NASP: variants seen among roughly 807,000 people sequenced by gnomAD.
NASP encodes the protein NASP histone chaperone.
NASP carries 24 observed loss-of-function variants against 89.5 expected under a neutral mutation model. The ratio of observed to expected loss-of-function variants is 0.27; its 90% CI spans 0.19 to 0.38. The LOEUF is 0.38. NASP is among the 10% of genes least tolerant of loss of function. The pLI is 1.00. For synonymous variants in NASP, 306 were observed against 324.7 expected (o/e 0.94, Z 0.62); for missense variants, 848 against 921.4 (o/e 0.92, Z 1.03).
chr1:45,617,407 T>C, intron 13 of NASP, 56 bp from the exon 14 acceptor site: 2 of 1,569,534 alleles, frequency 1.3e-6, no homozygotes, highest in East Asian at 2.2e-5. Flanking sequence ...TGTTTTGCAG[T>C]TGTCTTTTTA....
chr1:45,585,204 C>T (rs1036315896), intron 1 of NASP, among the ~76,000 whole-genome samples: 4 of 152,170 alleles, frequency 2.6e-5, no homozygotes, highest in Admixed American at 2.0e-4. Flanking sequence ...TGCTGTTTCC[C>T]ATACAGTAGG....
At chr1:45,605,477 T>A (rs1333221705) in intron 4 of NASP, among the ~76,000 whole-genome samples, 1 of 152,146 alleles carries the variant, frequency 6.6e-6, no homozygotes, top group African/African-American at 2.4e-5. Flanking sequence ...GGTTTTTTTT[T>A]TTTGAGATGG....
At chr1:45,614,621 C>T (rs1253146261) in intron 9 of NASP, among the ~76,000 whole-genome samples, 1 of 152,102 alleles carries the variant, frequency 6.6e-6, no homozygotes, top group Non-Finnish European at 1.5e-5. Flanking sequence ...TCACTGCAAC[C>T]TCCGCCACCC....
At position 45,601,745 on chromosome 1, in the gene NASP, A is replaced by ATTTTTTT. The variant is rs71056316; in HGVS notation, c.108-488_108-482dup. 3.7e-3 allele frequency among the ~76,000 whole-genome samples: 252 copies of ATTTTTTT among 68,938 alleles called. 61 individuals are homozygous for ATTTTTTT. Among genetic ancestry groups the ATTTTTTT allele is most frequent in the Non-Finnish European group, 4.7e-3 (194 of 40,980 alleles). 45.2% of individuals were successfully genotyped at this position (68,938 alleles called of 152,430 possible). On this transcript the variant is annotated intron_variant, in intron 2 of 14. Coordinates refer to ENST00000350030, the MANE Select transcript of NASP (RefSeq NM_002482.4). ...TGTGATTAGATGAGCCGTTAAGAGA[A>ATTTTTTT]TTTTTTTTTTTTTTTTTTTTTTTTT...
At chr1:45,586,292 T>TGTGGTGTGTGTGTG (rs1378027593) in intron 1 of NASP, among the ~76,000 whole-genome samples, 1 of 95,742 alleles carries the variant, frequency 1.0e-5, no homozygotes, top group African/African-American at 4.5e-5. Context: ...GTGGTGTGTG[T>TGTGGTGTGTGTGTG]GTGTGTGTGT....
intron 7 of NASP, among the ~76,000 whole-genome samples, chr1:45,613,753 GT>G (rs1209399934): frequency 6.6e-6 from 1 of 152,134 alleles, no homozygotes; most frequent in Non-Finnish European, 1.5e-5. Flanking sequence ...CTCCCAAAGT[GT>G]TGGGATTATA....
At chr1:45,595,129 T>TTG (rs57391869) in intron 2 of NASP, among the ~76,000 whole-genome samples, 6,145 of 111,700 alleles carry the variant, frequency 0.055, 201 homozygotes, top group African/African-American at 0.065. Context: ...AGACTAAGTT[T>TTG]TGTGTGTGTG....
chr1:45,604,975 A>G lies in NASP; in HGVS notation c.258A>G (p.Glu86=). ...GAGAGACAGCTAATGAGTGTGGAGA[A>G]GCCTTCTTTTTCTATGGGAAATCAC... ...KYGETANECG[E]AFFFYGKSLL... Residue 86 remains glutamate (E), a synonymous_variant, in exon 4 of 15, where the codon GAA becomes GAG. Transcript: ENST00000350030. 1 of 1,613,290 alleles carries G rather than the reference A, an allele frequency of 6.2e-7. No homozygotes were observed. The highest frequency in any genetic ancestry group is 8.5e-7 in the Non-Finnish European group (1 of 1,179,342).
rs776746879 is a variant in NASP, at chr1:45,618,847, G to A, written c.*706G>A. 6.6e-6 allele frequency: 1 copy of A among 152,176 alleles called. No homozygotes were observed. The highest frequency in any genetic ancestry group is 1.5e-5 in the Non-Finnish European group (1 of 68,036). The allele number at this position is 152,176 out of a possible 1,614,324, so 9.4% of individuals were successfully genotyped here. On this transcript the variant is annotated 3_prime_UTR_variant, in exon 15 of 15. Coordinates refer to ENST00000350030, the MANE Select transcript of NASP (RefSeq NM_002482.4). ...TTGAGATATATCAACACTTGGAATT[G>A]TTACCCATCTGCAGAATTGACTTCT...
At chr1:45,610,240 CTA>C (rs1643982358) in intron 6 of NASP, 1 of 152,102 alleles carries the variant, frequency 6.6e-6, no homozygotes, top group East Asian at 1.9e-4. Context: ...AAAAAGTTAA[CTA>C]TATTTTAAAA....
Position 45,618,396 on chromosome 1 carries a change from T to G in NASP, c.*255T>G, listed in dbSNP as rs1167170932. 2 of 323,094 alleles carry G rather than the reference T, an allele frequency of 6.2e-6. No individual in the cohort carries two copies. The highest frequency in any genetic ancestry group is 4.2e-5 in the African/African-American group (2 of 47,498). The allele number at this position is 323,094 out of a possible 1,614,324, so 20.0% of individuals were successfully genotyped here. The stretch of plus-strand genomic sequence containing the variant: ...AATTCCTATCTGTCTAACGTGGAGG[T>G]GATCAAGTGTGGCTGTAGGCCTTTG... On this transcript the variant is annotated 3_prime_UTR_variant, in exon 15 of 15. Transcript: ENST00000350030.
Position 45,616,351 on chromosome 1 carries a change from T to C in NASP, c.2037T>C (p.Thr679=). The change falls in exon 12 of 15, where the codon ACT becomes ACC. Residue 679 remains threonine, a synonymous_variant. Transcript: ENST00000350030. ...ALKATLVESS[T]SGFTPGGGGS... ...ATTTCTCGCAGGTGGAGAGTTCTACTTCAGGTTTCACTCCTGGTGGAGGAG... is the reference window on the plus strand; with the variant it reads ...ATTTCTCGCAGGTGGAGAGTTCTACCTCAGGTTTCACTCCTGGTGGAGGAG... 2 of 1,614,212 alleles carry C rather than the reference T, an allele frequency of 1.2e-6. No homozygotes were observed. Among genetic ancestry groups the C allele is most frequent in the Non-Finnish European group, 1.7e-6 (2 of 1,180,026 alleles).
intron 6 of NASP, chr1:45,611,413 G>A (rs1053005158): frequency 3.3e-5 from 5 of 149,284 alleles, no homozygotes; most frequent in African/African-American, 1.2e-4. Flanking sequence ...CCATCTTCAA[G>A]GAATGGTGGG....
At chr1:45,609,645 T>TA (rs1643968995) in intron 6 of NASP, 1 of 152,222 alleles carries the variant, frequency 6.6e-6, no homozygotes, top group South Asian at 2.1e-4. Context: ...CACAGTCCCT[T>TA]ACAGATTGTT....
intron 2 of NASP, among the ~76,000 whole-genome samples, chr1:45,594,409 G>C (rs1643637711): frequency 6.6e-6 from 1 of 151,998 alleles, no homozygotes; most frequent in African/African-American, 2.4e-5. Context: ...GTTTAGGGTT[G>C]ATCCTAAACA....
Position 45,618,120 on chromosome 1 carries a change from A to G in NASP, c.2346A>G (p.Thr782=), listed in dbSNP as rs763687597. ...AVEGTVEAGA[T]VESTAC ...AGGGGACAGTGGAGGCTGGAGCTAC[A>G]GTTGAAAGCACTGCATGTTAAGAGG... Residue 782 remains threonine (T), a synonymous_variant, in exon 15 of 15, where the codon ACA becomes ACG. Coordinates refer to ENST00000350030, the MANE Select transcript of NASP (RefSeq NM_002482.4). 9.4e-6 allele frequency: 15 copies of G among 1,598,008 alleles called. No individual in the cohort carries two copies. In the South Asian group the frequency reaches 1.4e-4, roughly 15 times the overall value.
At chr1:45,608,400 T>C (rs779610288) in intron 6 of NASP, 63 bp downstream of exon 6, 57 of 1,502,960 alleles carry the variant, frequency 3.8e-5, no homozygotes, top group African/African-American at 1.4e-5. Context: ...TCACTAATTA[T>C]GGGTAAAAGT....
chr1:45,606,773 T>C, intron 5 of NASP, 182 bp downstream of exon 5: 1 of 443,774 alleles, frequency 2.3e-6, no homozygotes, highest in East Asian at 3.5e-5. Flanking sequence ...AGCAGATTTT[T>C]GAAAGAGAAT....
intron 2 of NASP, among the ~76,000 whole-genome samples, chr1:45,593,719 G>A (rs1193852800): frequency 1.3e-5 from 2 of 149,714 alleles, no homozygotes; most frequent in East Asian, 3.9e-4. Flanking sequence ...ATGAAATACT[G>A]CTTGGCTGGG....
Sources: allele counts gnomAD v4.1 joint callset (sites outside exome capture counted in the v4.1 genomes callset), GRCh38; gene constraint gnomAD v4.1.1; transcripts MANE v1.5; gene names NCBI Gene and HGNC (gene_info 2026-07-23, HGNC 2026-07-21).